Variants in AP4E1 observed in about 807,000 individuals in gnomAD.
The protein encoded by AP4E1 is AP-4 complex subunit epsilon-1.
Under a neutral mutation model 128.2 loss-of-function variants are expected in AP4E1, and 56 were observed. The observed-to-expected ratio is 0.44, with a 90% CI of 0.35 to 0.55. AP4E1 has a LOEUF of 0.55. AP4E1 is among the 20% of genes least tolerant of loss of function. The pLI, the probability that AP4E1 is intolerant of heterozygous loss-of-function variation, is 0.00. For synonymous variants in AP4E1, 484 were observed against 473.1 expected, an observed-to-expected ratio of 1.02 and a Z score of -0.30; for missense variants, 1,324 against 1,307.7, an observed-to-expected ratio of 1.01 and a Z score of -0.19.
intron 10 of AP4E1, chr15:50,946,065 A>G: frequency 1.4e-6 from 1 of 690,670 alleles, no homozygotes. Context: ...TCTACAAATT[A>G]AAGTGCTGGG....
rs571911742 is a variant in AP4E1 at position 50,999,266 on chromosome 15, A to C, written c.3095+4A>C. ...TATCACTATTAGATTTCATTAGGTA[A>C]ATGTTTTGTGAAATGTTAATTCAAG... is the stretch of plus-strand genomic sequence containing the variant. On this transcript the variant is annotated splice_donor_region_variant and intron_variant, in intron 19 of 20. Transcript: ENST00000261842. The C allele has an allele frequency of 2.7e-5, 43 of 1,606,716 alleles. No individual in the cohort carries two copies. In the South Asian group the frequency reaches 4.4e-4, roughly 17 times the overall value.
At position 50,915,699 on chromosome 15, in the gene AP4E1, A is replaced by C. The variant is rs1028106743; in HGVS notation, c.346+128A>C. The C allele has an allele frequency of 5.1e-6, 6 of 1,167,576 alleles. No homozygotes were observed. In the African/African-American group the frequency reaches 7.8e-5, roughly 15 times the overall value. The allele number at this position is 1,167,576 out of a possible 1,614,324, so 72.3% of individuals were successfully genotyped here. A position where few individuals can be genotyped will look rare whatever the true frequency, so the allele number is the denominator to read the frequency against. ...CTGTATTATAATTTCTAAAACTTTA[A>C]AAGATCACACTTCAGAAAGTCAAAG... On this transcript the variant is annotated intron_variant, in intron 3 of 20. Coordinates refer to ENST00000261842, the MANE Select transcript of AP4E1 (RefSeq NM_007347.5).
intron 8 of AP4E1, among the ~76,000 whole-genome samples, chr15:50,938,595 G>C (rs2063940780): frequency 6.6e-6 from 1 of 152,108 alleles, no homozygotes; most frequent in African/African-American, 2.4e-5. Context: ...TTTCCCATCT[G>C]GAAGTAGGGA....
intron 15 of AP4E1, among the ~76,000 whole-genome samples, chr15:50,979,042 C>T (rs762536593): frequency 3.9e-5 from 6 of 152,064 alleles, no homozygotes; most frequent in Non-Finnish European, 8.8e-5. Flanking sequence ...GTTTTATTCT[C>T]TCTACTTTCA....
At chr15:50,934,028 A>C (rs2063872132) in intron 7 of AP4E1, among the ~76,000 whole-genome samples, 1 of 151,978 alleles carries the variant, frequency 6.6e-6, no homozygotes, top group Admixed American at 6.6e-5. Context: ...GCACTAATGC[A>C]CTTTTTTTTT....
intron 14 of AP4E1, among the ~76,000 whole-genome samples, chr15:50,963,128 T>C (rs952133443): frequency 1.4e-4 from 21 of 151,934 alleles, no homozygotes; most frequent in African/African-American, 5.1e-4. Flanking sequence ...AAAAGGAAAC[T>C]CATGCACTGT....
chr15:50,926,631 C>A (rs1253360324), intron 5 of AP4E1, among the ~76,000 whole-genome samples: 1 of 150,466 alleles, frequency 6.6e-6, no homozygotes, highest in Non-Finnish European at 1.5e-5. Flanking sequence ...TGGAGTCTTG[C>A]TCGGTCGCCC....
intron 16 of AP4E1, among the ~76,000 whole-genome samples, chr15:50,988,529 G>A (rs2064761062): frequency 6.6e-6 from 1 of 151,950 alleles, no homozygotes; most frequent in African/African-American, 2.4e-5. Context: ...TGGCCAGGCT[G>A]GTCTCAAACT....
At chr15:50,977,344 A>G (rs1474294810) in intron 15 of AP4E1, among the ~76,000 whole-genome samples, 1 of 152,168 alleles carries the variant, frequency 6.6e-6, no homozygotes, top group Non-Finnish European at 1.5e-5. Context: ...AGCTGACACA[A>G]ATACAAGAGC....
intron 8 of AP4E1, among the ~76,000 whole-genome samples, chr15:50,939,920 G>T (rs911508566): frequency 1.3e-5 from 2 of 152,164 alleles, no homozygotes; most frequent in African/African-American, 4.8e-5. Context: ...AGGCTTTGCA[G>T]GTCATGGAGG....
chr15:50,992,554 A>G (rs1015672574), intron 16 of AP4E1, among the ~76,000 whole-genome samples: 2 of 152,182 alleles, frequency 1.3e-5, no homozygotes, highest in Non-Finnish European at 2.9e-5. Flanking sequence ...TTTTGTGACA[A>G]CATTAGGATT....
In AP4E1 at chr15:51,004,389, CCTTA is replaced by C. The variant is rs1239118492; in HGVS notation, c.*1731_*1734del. The C allele has an allele frequency of 1.3e-5, 2 of 152,198 alleles. No individual in the cohort carries two copies. Among genetic ancestry groups the C allele is most frequent in the African/African-American group, 4.8e-5 (2 of 41,440 alleles). The allele number at this position is 152,198 out of a possible 1,614,324, so 9.4% of individuals were successfully genotyped here. ...AAGGAGGTGCTCCAATTTTTTGTGT[CCTTA>C]CTTCCCTATGTTTGCCTAGTTACTG... On this transcript the variant is annotated 3_prime_UTR_variant, in exon 21 of 21. Coordinates refer to ENST00000261842, the MANE Select transcript of AP4E1 (RefSeq NM_007347.5).
At position 50,997,853 on chromosome 15, in the gene AP4E1, C is replaced by G. The variant is rs148111863; in HGVS notation, c.2874C>G (p.Asp958Glu). The G allele has an allele frequency of 5.0e-6, 8 of 1,598,612 alleles. No individual in the cohort carries two copies. In the East Asian group the frequency reaches 1.3e-4, roughly 27 times the overall value. The stretch of plus-strand genomic sequence containing the variant: ...GTGGTTTGGAATTGAAAAGTGCTGA[C>G]TTAGAAATTTTTCCTGCAGAAAATT... The part of the protein sequence containing the change: ...NKSGLELKSA[D>E]LEIFPAENFK... The change falls in exon 18 of 21, where the codon GAC (aspartate) becomes GAG (glutamate). Residue 958 changes from aspartate to glutamate, a missense_variant. By Grantham distance (45) the Asp-to-Glu change is conservative. Coordinates refer to ENST00000261842, the MANE Select transcript of AP4E1 (RefSeq NM_007347.5).
At chr15:50,987,001 A>G (rs2064736072) in intron 16 of AP4E1, among the ~76,000 whole-genome samples, 1 of 152,280 alleles carries the variant, frequency 6.6e-6, no homozygotes, top group East Asian at 1.9e-4. Context: ...TTATTGGTCT[A>G]CTCAGAGATT....
chr15:50,941,090 A>C (rs995607233), intron 8 of AP4E1, among the ~76,000 whole-genome samples: 2 of 152,192 alleles, frequency 1.3e-5, no homozygotes, highest in Non-Finnish European at 2.9e-5. Context: ...TTCCATTAGA[A>C]TGTGAACTCC....
chr15:50,921,251 A>G (rs534715945), intron 3 of AP4E1, among the ~76,000 whole-genome samples: 16 of 152,288 alleles, frequency 1.1e-4, no homozygotes, highest in African/African-American at 3.6e-4. Flanking sequence ...TGGCCCCCCA[A>G]CGTGCTGGAA....
chr15:50,930,734 G>A, intron 6 of AP4E1, 71 bp from the exon 7 acceptor site: 2 of 1,459,306 alleles, frequency 1.4e-6, no homozygotes, highest in South Asian at 1.1e-5. Flanking sequence ...GGTTCTATAT[G>A]ACATTTCAAT....
chr15:50,912,297 CTT>C (rs1389224445), intron 2 of AP4E1, 148 bp downstream of exon 2: 1 of 795,902 alleles, frequency 1.3e-6, no homozygotes, highest in Non-Finnish European at 2.2e-6. Flanking sequence ...CAGATGTTAA[CTT>C]TAGCCTTTTA....
chr15:50,968,428 G>T (rs768689720), intron 15 of AP4E1, 51 bp downstream of exon 15: 3 of 1,242,608 alleles, frequency 2.4e-6, no homozygotes, highest in East Asian at 2.5e-5. Flanking sequence ...TGTAATTTTT[G>T]ATATTATAGT....
Sources: gnomAD v4.1 joint callset for allele counts (sites outside exome capture counted in the v4.1 genomes callset) on GRCh38, gnomAD v4.1.1 for gene constraint, MANE v1.5 for transcripts, NCBI Gene and HGNC (gene_info 2026-07-23, HGNC 2026-07-21) for gene names.